CADM2: variants seen among roughly 807,000 people sequenced by gnomAD.
CADM2 encodes cell adhesion molecule 2.
CADM2 carries 12 observed loss-of-function variants against 49.8 expected under a neutral mutation model. The observed-to-expected ratio is 0.24, with a 90% confidence interval of 0.15 to 0.39. The LOEUF (loss-of-function observed/expected upper bound fraction) is 0.39. CADM2 is among the 10% of genes least tolerant of loss of function. CADM2 has a pLI of 1.00. For synonymous variants in CADM2, 214 were observed against 175.4 expected (o/e 1.22, Z -1.74); for missense variants, 378 against 492.3 (o/e 0.77, Z 2.20).
At chr3:85,433,415 TC>T (rs1462993722) in intron 1 of CADM2, among the ~76,000 whole-genome samples, 4 of 152,080 alleles carry the variant, frequency 2.6e-5, no homozygotes, top group African/African-American at 9.7e-5. Flanking sequence ...TACTTTTTTT[TC>T]CCCTTGTAGT....
rs1559702994 is a variant in CADM2, at chr3:85,855,580, A to AAAAACATATATATAT, written c.239-27709_239-27695dup. On this transcript the variant is annotated intron_variant, in intron 3 of 9. Transcript: ENST00000383699. ...ATATATTTATATTTATATATATATA[A>AAAAACATATATATAT]AAAACATATATATATATAAAACATA... Among the ~76,000 whole-genome samples, 228 of 129,294 alleles carry AAAAACATATATATAT rather than the reference A, an allele frequency of 1.8e-3. 1 individual carries two copies. Among genetic ancestry groups the AAAAACATATATATAT allele is most frequent in the African/African-American group, 6.3e-3 (220 of 34,718 alleles). The allele number at this position is 129,294 out of a possible 152,430, so 84.8% of individuals were successfully genotyped here.
At chr3:85,652,774 T>TTTTTTTTTG in intron 1 of CADM2, among the ~76,000 whole-genome samples, 1 of 115,232 alleles carries the variant, frequency 8.7e-6, no homozygotes, top group East Asian at 2.6e-4. Context: ...TTTCTTTTCT[T>TTTTTTTTTG]TTTTTTTTTT....
chr3:85,585,270 T>C (rs995213403), intron 1 of CADM2, among the ~76,000 whole-genome samples: 1 of 151,958 alleles, frequency 6.6e-6, no homozygotes, highest in Admixed American at 6.6e-5. Flanking sequence ...TACTGTAATT[T>C]GGATCCACAG....
At chr3:85,490,764 G>A (rs929928384) in intron 1 of CADM2, among the ~76,000 whole-genome samples, 1 of 151,534 alleles carries the variant, frequency 6.6e-6, no homozygotes, top group Non-Finnish European at 1.5e-5. Flanking sequence ...TACCTAGCAA[G>A]GAAAATTGCC....
rs138953259 is a variant in CADM2, at chr3:85,804,381, C to G, written c.238+2185C>G. 5.3e-5 allele frequency among the ~76,000 whole-genome samples: 8 copies of G among 152,160 alleles called. No homozygotes were observed. The East Asian group carries it at 1.5e-3, about 29-fold the overall frequency. On this transcript the variant is annotated intron_variant, in intron 3 of 9. Coordinates refer to ENST00000383699, the MANE Select transcript of CADM2 (RefSeq NM_001167675.2). The stretch of plus-strand genomic sequence containing the variant: ...TTTTCCATCCCTGTGTTTAATGAAG[C>G]AATCTTGCTTATTAGCAGTTTTTGA...
At chr3:85,169,554 C>T (rs1473403455) in intron 1 of CADM2, among the ~76,000 whole-genome samples, 5 of 151,900 alleles carry the variant, frequency 3.3e-5, no homozygotes, top group Non-Finnish European at 7.4e-5. Flanking sequence ...GGTGGATAAC[C>T]TGAGGTCAGG....
chr3:85,588,440 C>T (rs570185643), intron 1 of CADM2, among the ~76,000 whole-genome samples: 2 of 151,964 alleles, frequency 1.3e-5, no homozygotes, highest in East Asian at 3.9e-4. Flanking sequence ...TGCAAGCAAG[C>T]AGCAATAAGA....
intron 1 of CADM2, among the ~76,000 whole-genome samples, chr3:85,518,742 T>A (rs2060961997): frequency 6.6e-6 from 1 of 152,142 alleles, no homozygotes. Flanking sequence ...CCTTTTTTCA[T>A]GGTCTCCCTC....
chr3:85,198,656 T>C (rs1035838544), intron 1 of CADM2, among the ~76,000 whole-genome samples: 2 of 151,938 alleles, frequency 1.3e-5, no homozygotes, highest in African/African-American at 4.8e-5. Flanking sequence ...TACATTTTAA[T>C]TTTAACTCAT....
chr3:85,320,333 C>T (rs2044567699), intron 1 of CADM2, among the ~76,000 whole-genome samples: 3 of 152,160 alleles, frequency 2.0e-5, no homozygotes, highest in South Asian at 2.1e-4. Flanking sequence ...TTTGTTTTCT[C>T]TGTTTAGTAG....
chr3:85,013,990 ACGCAG>A (rs1283583279), intron 1 of CADM2, among the ~76,000 whole-genome samples: 2 of 144,546 alleles, frequency 1.4e-5, no homozygotes, highest in Non-Finnish European at 3.1e-5. Flanking sequence ...TATTATATAT[ACGCAG>A]TGTAATAATA....
rs552501923 is a variant in CADM2, at chr3:85,192,557, A to AAT, written c.61+232900_61+232901dup. Among the ~76,000 whole-genome samples, 367 of 145,964 alleles carry AAT rather than the reference A, an allele frequency of 2.5e-3. 1 individual carries two copies. The highest frequency in any genetic ancestry group is 4.0e-3 in the Non-Finnish European group (269 of 66,956). Reference sequence around the variant, plus strand: ...GAACCCCAAAAAAGTCTTAAAAGTGAATATATATATATGTACATATACACA... The same window carrying AAT: ...GAACCCCAAAAAAGTCTTAAAAGTGAATATATATATATATGTACATATACACA... On this transcript the variant is annotated intron_variant, in intron 1 of 9. Coordinates refer to ENST00000383699, the MANE Select transcript of CADM2 (RefSeq NM_001167675.2).
chr3:85,849,136 C>T (rs1187902616), intron 3 of CADM2, among the ~76,000 whole-genome samples: 3 of 152,144 alleles, frequency 2.0e-5, no homozygotes, highest in African/African-American at 7.2e-5. Context: ...TCCAGGAGGA[C>T]AGCAAGCCAC....
chr3:85,158,238 T>C (rs1489099543), intron 1 of CADM2, among the ~76,000 whole-genome samples: 2 of 152,200 alleles, frequency 1.3e-5, no homozygotes, highest in African/African-American at 4.8e-5. Context: ...TTTACACTGT[T>C]GGTGGGACTG....
intron 2 of CADM2, among the ~76,000 whole-genome samples, chr3:85,771,184 G>A (rs2070066890): frequency 6.6e-6 from 1 of 152,098 alleles, no homozygotes; most frequent in Non-Finnish European, 1.5e-5. Flanking sequence ...GTTTAGTGAA[G>A]CATAGGTTAC....
rs187126338 is a variant in CADM2 at position 85,363,506 on chromosome 3, A to T, written c.62-363016A>T. Among the ~76,000 whole-genome samples the T allele has an allele frequency of 1.1e-3, 163 of 149,382 alleles. 2 individuals carry two copies. Among genetic ancestry groups the T allele is most frequent in the African/African-American group, 3.7e-3 (150 of 40,806 alleles). On this transcript the variant is annotated intron_variant, in intron 1 of 9. Transcript: ENST00000383699. Reference sequence around the variant, plus strand: ...CTGCTAACAACTTTCAGTGTCATTTAAAAAAAAAAGGTTTAGTCTTTATAC... The same window carrying T: ...CTGCTAACAACTTTCAGTGTCATTTTAAAAAAAAAGGTTTAGTCTTTATAC...
intron 3 of CADM2, among the ~76,000 whole-genome samples, chr3:85,860,633 A>C (rs1304024992): frequency 6.6e-6 from 1 of 152,146 alleles, no homozygotes; most frequent in African/African-American, 2.4e-5. Flanking sequence ...AGAGAGGTAG[A>C]GAGAACAGAG....
intron 1 of CADM2, among the ~76,000 whole-genome samples, chr3:85,296,822 C>A (rs1401635599): frequency 1.3e-5 from 2 of 151,994 alleles, no homozygotes; most frequent in Non-Finnish European, 1.5e-5. Flanking sequence ...AGGTGTATAC[C>A]CTTATCTTTT....
intron 1 of CADM2, among the ~76,000 whole-genome samples, chr3:85,636,349 C>T (rs2064481781): frequency 6.6e-6 from 1 of 151,570 alleles, no homozygotes; most frequent in South Asian, 2.1e-4. Flanking sequence ...AAAAAGGTTA[C>T]TTTTAAAAAA....
Sources: gnomAD v4.1 joint callset for allele counts (sites outside exome capture counted in the v4.1 genomes callset) on GRCh38, gnomAD v4.1.1 for gene constraint, MANE v1.5 for transcripts, NCBI Gene and HGNC (gene_info 2026-07-23, HGNC 2026-07-21) for gene names.